FAM120A: variants seen among roughly 807,000 people sequenced by gnomAD.
FAM120A encodes family with sequence similarity 120 member A, also known as constitutive coactivator of PPAR-gamma-like protein 1.
Under a neutral mutation model 109.7 loss-of-function variants are expected in FAM120A, and 15 were observed. That is an observed-to-expected ratio of 0.14 (90% CI 0.09 to 0.21). The LOEUF (loss-of-function observed/expected upper bound fraction) is 0.21. Among genes scored for constraint, FAM120A ranks in the 10% least tolerant of loss-of-function variants. FAM120A has a pLI of 1.00. For missense variants in FAM120A, 899 were observed against 1,439.3 expected (o/e 0.62, Z 6.07); for synonymous variants, 493 against 572.8 (o/e 0.86, Z 1.99).
At chr9:93,564,078 A>G in intron 17 of FAM120A, 151 bp from the exon 18 acceptor site, 1 of 744,756 alleles carries the variant, frequency 1.3e-6, no homozygotes, top group Non-Finnish European at 2.3e-6. Context: ...TCTACCGCCC[A>G]AAAGTCAAAG....
Position 93,451,863 on chromosome 9 carries a change from C to A in FAM120A, c.-53C>A, listed in dbSNP as rs954477807. 4.7e-6 allele frequency: 5 copies of A among 1,054,022 alleles called. No individual in the cohort carries two copies. Among genetic ancestry groups the A allele is most frequent in the Non-Finnish European group, 5.7e-6 (5 of 873,894 alleles). 65.3% of individuals were successfully genotyped at this position (1,054,022 alleles called of 1,614,324 possible). On this transcript the variant is annotated 5_prime_UTR_variant, in exon 1 of 18. Coordinates refer to ENST00000277165, the MANE Select transcript of FAM120A (RefSeq NM_014612.5). ...CGCCCGCGCGCCACGGCCCCACCAC[C>A]CCCGGCCCCGCCGCCCCCCGCCCGC...
chr9:93,528,252 G>A (rs1305415629), intron 8 of FAM120A, among the ~76,000 whole-genome samples: 1 of 152,194 alleles, frequency 6.6e-6, no homozygotes, highest in African/African-American at 2.4e-5. Flanking sequence ...AATTATCTAT[G>A]AGTTATTCTT....
intron 5 of FAM120A, among the ~76,000 whole-genome samples, chr9:93,501,111 G>A (rs1859781398): frequency 1.3e-5 from 2 of 152,194 alleles, no homozygotes; most frequent in African/African-American, 4.8e-5. Context: ...GCCTGAAGGA[G>A]CGCTCAGAGG....
chr9:93,556,793 G>A (rs908184315), intron 13 of FAM120A, among the ~76,000 whole-genome samples: 5 of 152,124 alleles, frequency 3.3e-5, no homozygotes, highest in Non-Finnish European at 5.9e-5. Context: ...CTCATTATTT[G>A]TGGTAGTAAT....
At chr9:93,551,471 A>G (rs1018422861) in intron 12 of FAM120A, among the ~76,000 whole-genome samples, 6 of 152,092 alleles carry the variant, frequency 3.9e-5, no homozygotes, top group South Asian at 2.1e-4. Context: ...TTTTCAATGT[A>G]TAGGGTTTTG....
Position 93,500,075 on chromosome 9 carries a change from C to T in FAM120A, c.1030+1189C>T, listed in dbSNP as rs901015163. Among the ~76,000 whole-genome samples the T allele has an allele frequency of 1.3e-5, 2 of 152,232 alleles. No individual in the cohort carries two copies. Among genetic ancestry groups the T allele is most frequent in the Admixed American group, 6.5e-5 (1 of 15,284 alleles). Reference sequence around the variant, plus strand: ...GCATGGAGTGGCTGAATCTCCACTGCGAGGTCAGTAAATGGCAGCAGCCTC... The same window carrying T: ...GCATGGAGTGGCTGAATCTCCACTGTGAGGTCAGTAAATGGCAGCAGCCTC... On this transcript the variant is annotated intron_variant, in intron 5 of 17. Coordinates refer to ENST00000277165, the MANE Select transcript of FAM120A (RefSeq NM_014612.5). This position sits in a 1 kb window ranked among gnomAD's most constrained non-coding sequence, Gnocchi z 4.6.
chr9:93,462,573 C>G (rs540975458), intron 1 of FAM120A, among the ~76,000 whole-genome samples: 59 of 152,326 alleles, frequency 3.9e-4, no homozygotes, highest in African/African-American at 1.4e-3. Context: ...TGAGCCACCA[C>G]GCCTGTCCCC....
intron 3 of FAM120A, among the ~76,000 whole-genome samples, chr9:93,490,777 G>A (rs1017265178): frequency 6.6e-5 from 10 of 152,204 alleles, no homozygotes; most frequent in African/African-American, 2.4e-4. Context: ...TTGTTATAGT[G>A]TAGTTGTTTC....
intron 10 of FAM120A, among the ~76,000 whole-genome samples, chr9:93,542,664 G>A (rs149544211): frequency 4.6e-5 from 7 of 152,270 alleles, no homozygotes; most frequent in Non-Finnish European, 7.4e-5. Flanking sequence ...TGGAATATTT[G>A]CATCTACTTG....
chr9:93,554,346 G>A (rs769672994), intron 12 of FAM120A, among the ~76,000 whole-genome samples: 22 of 152,270 alleles, frequency 1.4e-4, no homozygotes, highest in East Asian at 1.2e-3. Flanking sequence ...TTTGAATCTG[G>A]ATGTGATTGG....
intron 5 of FAM120A, among the ~76,000 whole-genome samples, chr9:93,502,565 TACACACACACACACACACACACACACAC>T (rs6151079): frequency 6.8e-6 from 1 of 146,692 alleles, no homozygotes; most frequent in Non-Finnish European, 1.5e-5. Flanking sequence ...GGAGGACACA[TACACACACACACACACACACACACACAC>T]ACACACGCAC....
At chr9:93,552,509 A>G (rs1288214305) in intron 12 of FAM120A, among the ~76,000 whole-genome samples, 1 of 152,182 alleles carries the variant, frequency 6.6e-6, no homozygotes, top group Non-Finnish European at 1.5e-5. Context: ...CATGATTAGT[A>G]TAAATTCTGA....
intron 3 of FAM120A, among the ~76,000 whole-genome samples, chr9:93,476,852 C>A (rs962144256): frequency 5.0e-4 from 76 of 152,080 alleles, no homozygotes; most frequent in Admixed American, 5.0e-3. Flanking sequence ...TTTTGATTCC[C>A]TTCCTGTTTG....
At chr9:93,453,988 A>G (rs760467121) in intron 1 of FAM120A, among the ~76,000 whole-genome samples, 1 of 152,364 alleles carries the variant, frequency 6.6e-6, no homozygotes, top group Non-Finnish European at 1.5e-5. Flanking sequence ...GATTAGAATC[A>G]GTATGTATGC....
intron 2 of FAM120A, among the ~76,000 whole-genome samples, chr9:93,473,044 G>A (rs941867009): frequency 6.6e-6 from 1 of 151,312 alleles, no homozygotes; most frequent in Non-Finnish European, 1.5e-5. Context: ...TTTAAATGGA[G>A]TCTTGCTTTG....
In FAM120A at chr9:93,550,565, G is replaced by C. The variant is rs768927539; in HGVS notation, c.2160-12G>C. The C allele has an allele frequency of 5.6e-6, 9 of 1,608,554 alleles. No individual in the cohort carries two copies. In the African/African-American group the frequency reaches 1.1e-4, roughly 19 times the overall value. On this transcript the variant is annotated splice_polypyrimidine_tract_variant and intron_variant, in intron 11 of 17. Transcript: ENST00000277165. ...CAGTAATCACCAACCTTTTGTTTCTGCCCCTCACCAGGTACATGGTGCAGT... is the reference window on the plus strand; with the variant it reads ...CAGTAATCACCAACCTTTTGTTTCTCCCCCTCACCAGGTACATGGTGCAGT...
At chr9:93,528,998 A>T (rs977436507) in intron 8 of FAM120A, among the ~76,000 whole-genome samples, 8 of 152,202 alleles carry the variant, frequency 5.3e-5, no homozygotes, top group African/African-American at 1.9e-4. Context: ...GACCACATGG[A>T]TGATGGACAA....
chr9:93,485,576 C>T (rs1364364538), intron 3 of FAM120A, among the ~76,000 whole-genome samples: 7 of 152,016 alleles, frequency 4.6e-5, no homozygotes, highest in East Asian at 3.9e-4. Context: ...CCAGCTTGTG[C>T]GACAGAGTAA....
intron 5 of FAM120A, among the ~76,000 whole-genome samples, chr9:93,499,672 T>C (rs926627354): frequency 5.9e-5 from 9 of 152,254 alleles, no homozygotes; most frequent in African/African-American, 1.9e-4. Flanking sequence ...CTGCTTCATA[T>C]TGAACGTCTT....
Sources: gnomAD v4.1 joint callset for allele counts (sites outside exome capture counted in the v4.1 genomes callset) on GRCh38, gnomAD v4.1.1 for gene constraint, Gnocchi (gnomAD v3.1) non-coding constraint, MANE v1.5 for transcripts, NCBI Gene and HGNC (gene_info 2026-07-23, HGNC 2026-07-21) for gene names.